Variants in IGFBP1 observed in about 807,000 individuals in gnomAD.
IGFBP1 encodes insulin like growth factor binding protein 1.
IGFBP1 carries 31 observed loss-of-function variants against 23.1 expected under a neutral mutation model. The ratio of observed to expected loss-of-function variants is 1.34; its 90% CI spans 1.01 to 1.81. The LOEUF is 1.81. Ranked by LOEUF, IGFBP1 falls within the 40% of genes most tolerant of loss-of-function variation. The pLI is 0.00. For synonymous variants in IGFBP1, 148 were observed against 145.5 expected, an observed-to-expected ratio of 1.02 and a Z score of -0.13; for missense variants, 333 against 342.2, an observed-to-expected ratio of 0.97 and a Z score of 0.21.
At chr7:45,890,474 A>T in intron 1 of IGFBP1, 74 bp from the exon 2 acceptor site, 1 of 1,479,402 alleles carries the variant, frequency 6.8e-7, no homozygotes, top group East Asian at 2.4e-5. Flanking sequence ...GAGGGAAGGA[A>T]GTGATCTCCT....
chr7:45,891,872 G>C lies in IGFBP1; in HGVS notation c.520-60G>C, dbSNP rs983556093. 3.9e-6 allele frequency: 6 copies of C among 1,542,570 alleles called. No homozygotes were observed. In the African/African-American group the frequency reaches 4.1e-5, roughly 11 times the overall value. ...TACAAAACCTCTTCCATCAGTCATTGTCTAGGCTGATAATTCACTGTGTCT... is the reference window on the plus strand; with the variant it reads ...TACAAAACCTCTTCCATCAGTCATTCTCTAGGCTGATAATTCACTGTGTCT... On this transcript the variant is annotated intron_variant, in intron 2 of 3. Coordinates refer to ENST00000275525, the MANE Select transcript of IGFBP1 (RefSeq NM_000596.4).
chr7:45,892,166 A>G (rs1787090119), intron 3 of IGFBP1, 106 bp downstream of exon 3: 8 of 1,238,610 alleles, frequency 6.5e-6, no homozygotes, highest in Non-Finnish European at 9.1e-6. Flanking sequence ...TCCAAAGTAG[A>G]CACCAGAAGT....
intron 1 of IGFBP1, among the ~76,000 whole-genome samples, chr7:45,889,891 C>G (rs958118473): frequency 6.6e-6 from 1 of 152,174 alleles, no homozygotes; most frequent in African/African-American, 2.4e-5. Flanking sequence ...GGAGTCGTCT[C>G]ACTGATCCTC....
chr7:45,888,839 T>C lies in IGFBP1; in HGVS notation c.187T>C (p.Cys63Arg). ...CGCCGGCTGCGGCTGTTGCCCGATG[T>C]GCGCCCTGCCTCTGGGCGCCGCGTG... ...RSAGCGCCPM[C>R]ALPLGAACGV... Residue 63 changes from cysteine (C) to arginine (R), a missense_variant, in exon 1 of 4, where the codon TGC (cysteine) becomes CGC (arginine). Physicochemically the swap from Cys to Arg is radical, Grantham distance 180. Transcript: ENST00000275525. 6.5e-7 allele frequency: 1 copy of C among 1,541,672 alleles called. No individual in the cohort carries two copies. Among genetic ancestry groups the C allele is most frequent in the Non-Finnish European group, 8.7e-7 (1 of 1,152,238 alleles).
chr7:45,890,261 T>C (rs1284043449), intron 1 of IGFBP1, among the ~76,000 whole-genome samples: 1 of 152,190 alleles, frequency 6.6e-6, no homozygotes, highest in African/African-American at 2.4e-5. Flanking sequence ...GCAAATGCAT[T>C]TGTTGCTCTG....
In IGFBP1 at chr7:45,891,991, A is replaced by G. The variant is rs765237806; in HGVS notation, c.579A>G (p.Thr193=). 70 of 1,613,926 alleles carry G rather than the reference A, an allele frequency of 4.3e-5. No individual in the cohort carries two copies. Among genetic ancestry groups the G allele is most frequent in the Non-Finnish European group, 5.6e-5 (66 of 1,179,850 alleles). ...AGAGTTTAGCCAAGGCACAGGAGAC[A>G]TCAGGAGAAGAAATTTCCAAATTTT... The part of the protein sequence containing the change: ...VVESLAKAQE[T]SGEEISKFYL... The change falls in exon 3 of 4, where the codon ACA becomes ACG. Residue 193 remains threonine, a synonymous_variant. Transcript: ENST00000275525.
rs1439444908 is a variant in IGFBP1 at position 45,888,776 on chromosome 7, C to T, written c.124C>T (p.Pro42Ser). 2 of 1,578,458 alleles carry T rather than the reference C, an allele frequency of 1.3e-6. No individual in the cohort carries two copies. Among genetic ancestry groups the T allele is most frequent in the East Asian group, 4.6e-5 (2 of 43,554 alleles). The change falls in exon 1 of 4, where the codon CCG (proline) becomes TCG (serine). Residue 42 changes from proline (P) to serine (S), a missense_variant. Coordinates refer to ENST00000275525, the MANE Select transcript of IGFBP1 (RefSeq NM_000596.4). ...PCSAEKLALC[P>S]PVSASCSEVT... is the part of the protein sequence containing the mutation. ...CTCCGCCGAGAAGCTCGCGCTCTGC[C>T]CGCCGGTGTCCGCCTCGTGCTCGGA...
Position 45,888,706 on chromosome 7 carries a change from C to T in IGFBP1, c.54C>T (p.Val18=). 1.3e-6 allele frequency: 2 copies of T among 1,597,472 alleles called. No individual in the cohort carries two copies. The highest frequency in any genetic ancestry group is 1.7e-6 in the Non-Finnish European group (2 of 1,179,320). The change falls in exon 1 of 4, where the codon GTC becomes GTT. Residue 18 remains valine (V), a synonymous_variant. Transcript: ENST00000275525. The part of the protein sequence containing the change: ...RVWLVLLLLT[V]QVGVTAGAPW... ...GGCTGGTACTGCTCCTGCTGACTGT[C>T]CAGGTCGGCGTGACAGCCGGCGCTC...
intron 1 of IGFBP1, 150 bp downstream of exon 1, chr7:45,889,151 G>C: frequency 1.6e-6 from 1 of 627,398 alleles, no homozygotes; most frequent in Non-Finnish European, 2.6e-6. Context: ...CGTAGTTGGG[G>C]AAGGAGCTTG....
intron 2 of IGFBP1, 45 bp from the exon 3 acceptor site, chr7:45,891,887 T>C (rs1787085451): frequency 6.3e-7 from 1 of 1,578,282 alleles, no homozygotes; most frequent in Non-Finnish European, 8.6e-7. Flanking sequence ...GGCTGATAAT[T>C]CACTGTGTCT....
In IGFBP1 at chr7:45,891,923, T is replaced by C. The variant is rs748709533; in HGVS notation, c.520-9T>C. ...TGTTAGATATGCTAATGTCAAGTTA[T>C]TCTCTTAGGAGCCCTGCCGAATAGA... On this transcript the variant is annotated splice_polypyrimidine_tract_variant and intron_variant, in intron 2 of 3. Transcript: ENST00000275525. 2.5e-6 allele frequency: 4 copies of C among 1,607,228 alleles called. No homozygotes were observed. Among genetic ancestry groups the C allele is most frequent in the Non-Finnish European group, 8.5e-7 (1 of 1,176,714 alleles).
At position 45,889,967 on chromosome 7, in the gene IGFBP1, G is replaced by A. The variant is rs371625773; in HGVS notation, c.350-581G>A. 8.5e-5 allele frequency among the ~76,000 whole-genome samples: 13 copies of A among 152,258 alleles called. No homozygotes were observed. The South Asian group carries it at 2.7e-3, about 32-fold the overall frequency. On this transcript the variant is annotated intron_variant, in intron 1 of 3. Transcript: ENST00000275525. ...GTGCTGATTCTGTTCATGTACCTTT[G>A]GACTCTATCTGCAAGATCCTCTTGC...
chr7:45,892,657 A>G (rs886630433), intron 3 of IGFBP1, among the ~76,000 whole-genome samples: 7 of 152,210 alleles, frequency 4.6e-5, no homozygotes, highest in African/African-American at 1.7e-4. Context: ...CACACGAGAC[A>G]TGTTCCCTCT....
rs760906614 is a variant in IGFBP1 at position 45,893,021 on chromosome 7, A to G, written c.710A>G (p.Lys237Arg). 1.9e-6 allele frequency: 3 copies of G among 1,612,662 alleles called. No individual in the cohort carries two copies. The East Asian group carries it at 6.7e-5, about 36-fold the overall frequency. ...LCWCVYPWNG[K>R]RIPGSPEIRG... ...TGGTGCGTCTACCCTTGGAATGGGAAGAGGATCCCTGGGTCTCCAGAGATC... is the reference window on the plus strand; with the variant it reads ...TGGTGCGTCTACCCTTGGAATGGGAGGAGGATCCCTGGGTCTCCAGAGATC... The change falls in exon 4 of 4, where the codon AAG becomes AGG. Residue 237 changes from lysine (K) to arginine (R), a missense_variant. Transcript: ENST00000275525.
In IGFBP1 at chr7:45,888,767, G is replaced by T. The variant is rs570379585; in HGVS notation, c.115G>T (p.Ala39Ser). 6.4e-7 allele frequency: 1 copy of T among 1,569,710 alleles called. No homozygotes were observed. Among genetic ancestry groups the T allele is most frequent in the Non-Finnish European group, 8.6e-7 (1 of 1,165,350 alleles). Reference sequence around the variant, plus strand: ...CGCGCCCTGCTCCGCCGAGAAGCTCGCGCTCTGCCCGCCGGTGTCCGCCTC... The same window carrying T: ...CGCGCCCTGCTCCGCCGAGAAGCTCTCGCTCTGCCCGCCGGTGTCCGCCTC... ...QCAPCSAEKL[A>S]LCPPVSASCS... The change falls in exon 1 of 4, where the codon GCG (alanine) becomes TCG (serine). Residue 39 changes from alanine (A) to serine (S), a missense_variant. Physicochemically the swap from Ala to Ser is moderately conservative, Grantham distance 99. Transcript: ENST00000275525.
At position 45,888,574 on chromosome 7, in the gene IGFBP1, A is replaced by C; in HGVS notation, c.-79A>C. 2 of 1,238,922 alleles carry C rather than the reference A, an allele frequency of 1.6e-6. No homozygotes were observed. The highest frequency in any genetic ancestry group is 2.3e-6 in the Non-Finnish European group (2 of 879,480). 76.7% of individuals were successfully genotyped at this position (1,238,922 alleles called of 1,614,324 possible). A position where few individuals can be genotyped will look rare whatever the true frequency, so the allele number is the denominator to read the frequency against. ...GAGCACTGGCCACCGCTCCACCATC[A>C]CTTGCCCAGAGTTTGGGCCACCGCC... On this transcript the variant is annotated 5_prime_UTR_variant, in exon 1 of 4. Coordinates refer to ENST00000275525, the MANE Select transcript of IGFBP1 (RefSeq NM_000596.4).
At position 45,888,581 on chromosome 7, in the gene IGFBP1, C is replaced by A; in HGVS notation, c.-72C>A. ...GGCCACCGCTCCACCATCACTTGCC[C>A]AGAGTTTGGGCCACCGCCCGCCGCC... On this transcript the variant is annotated 5_prime_UTR_variant, in exon 1 of 4. Transcript: ENST00000275525. 1.5e-6 allele frequency: 2 copies of A among 1,354,212 alleles called. No individual in the cohort carries two copies. Among genetic ancestry groups the A allele is most frequent in the Non-Finnish European group, 2.0e-6 (2 of 981,936 alleles). The allele number at this position is 1,354,212 out of a possible 1,614,324, so 83.9% of individuals were successfully genotyped here.
In IGFBP1 at chr7:45,888,856, C is replaced by A. The variant is rs1236376951; in HGVS notation, c.204C>A (p.Gly68=). The part of the protein sequence containing the change: ...GCCPMCALPL[G]AACGVATARC... ...GCCCGATGTGCGCCCTGCCTCTGGG[C>A]GCCGCGTGCGGCGTGGCGACTGCAC... is the stretch of plus-strand genomic sequence containing the variant. Residue 68 remains glycine, a synonymous_variant, in exon 1 of 4, where the codon GGC becomes GGA. Coordinates refer to ENST00000275525, the MANE Select transcript of IGFBP1 (RefSeq NM_000596.4). The A allele has an allele frequency of 2.0e-6, 3 of 1,517,688 alleles. No individual in the cohort carries two copies. Among genetic ancestry groups the A allele is most frequent in the Middle Eastern group, 3.6e-4 (2 of 5,492 alleles). 94.0% of individuals were successfully genotyped at this position (1,517,688 alleles called of 1,614,324 possible).
At chr7:45,889,151 G>A (rs1300636315) in intron 1 of IGFBP1, 150 bp downstream of exon 1, 10 of 627,280 alleles carry the variant, frequency 1.6e-5, no homozygotes, top group Non-Finnish European at 2.3e-5. Flanking sequence ...CGTAGTTGGG[G>A]AAGGAGCTTG....
Sources: allele counts gnomAD v4.1 joint callset (sites outside exome capture counted in the v4.1 genomes callset), GRCh38; gene constraint gnomAD v4.1.1; transcripts MANE v1.5; gene names NCBI Gene and HGNC (gene_info 2026-07-23, HGNC 2026-07-21).